The following PPARGC1A variants were observed in gnomAD, a reference collection of about 807,000 sequenced individuals.
PPARGC1A encodes PPARG coactivator 1 alpha, also known as peroxisome proliferator-activated receptor gamma coactivator 1-alpha.
In PPARGC1A, 25 loss-of-function variants were observed where a neutral mutation model predicts 88.7. The observed-to-expected ratio is 0.28, with a 90% CI of 0.21 to 0.39. The LOEUF (loss-of-function observed/expected upper bound fraction) is 0.39, where lower values mean the gene tolerates loss of function less well. PPARGC1A is among the 10% of genes least tolerant of loss of function. PPARGC1A has a pLI of 1.00. For synonymous variants in PPARGC1A, 363 were observed against 355.6 expected, an observed-to-expected ratio of 1.02 and a Z score of -0.24; for missense variants, 880 against 968.7, an observed-to-expected ratio of 0.91 and a Z score of 1.22.
chr4:23,947,392 TATATAA>T, the PPARGC1A span, among the ~76,000 whole-genome samples: 13 of 14,570 alleles, frequency 8.9e-4, no homozygotes, highest in Admixed American at 1.7e-3. Context: ...TATATATATA[TATATAA>T]AAAAAACGGT....
At chr4:23,880,688 T>C (rs1715749978) in intron 2 of PPARGC1A, 1 of 152,112 alleles carries the variant, frequency 6.6e-6, no homozygotes, top group Admixed American at 6.6e-5. Flanking sequence ...TGATTGCATA[T>C]AGCAGGATAA....
the PPARGC1A span, among the ~76,000 whole-genome samples, chr4:24,339,210 GTGTATATATA>G: frequency 0.32 from 35,580 of 109,732 alleles, 5,455 homozygotes; most frequent in Non-Finnish European, 0.4. Context: ...GTGTGTGTGT[GTGTATATATA>G]TATATATATA....
At chr4:24,397,048 A>G in the PPARGC1A span, among the ~76,000 whole-genome samples, 1 of 152,244 alleles carries the variant, frequency 6.6e-6, no homozygotes, top group African/African-American at 2.4e-5. Flanking sequence ...AAGAAAAACA[A>G]CTAAGCCAAA....
At chr4:24,253,345 G>C in the PPARGC1A span, among the ~76,000 whole-genome samples, 6 of 152,084 alleles carry the variant, frequency 3.9e-5, no homozygotes, top group African/African-American at 1.2e-4. Context: ...AGCACTAGAG[G>C]CAAGGGAATG....
At chr4:24,336,076 T>A in the PPARGC1A span, among the ~76,000 whole-genome samples, 2 of 151,580 alleles carry the variant, frequency 1.3e-5, no homozygotes, top group Admixed American at 1.3e-4. Flanking sequence ...CATGCCTCTT[T>A]TAATTTTTTC....
the PPARGC1A span, among the ~76,000 whole-genome samples, chr4:23,971,306 T>C: frequency 6.6e-6 from 1 of 152,212 alleles, no homozygotes. Context: ...TCAGTATAGT[T>C]GAGGCATAGT....
the PPARGC1A span, among the ~76,000 whole-genome samples, chr4:24,010,497 A>T: frequency 6.6e-6 from 1 of 152,170 alleles, no homozygotes; most frequent in East Asian, 1.9e-4. Context: ...TCTTCTGAGA[A>T]AAAGCACTGA....
chr4:23,954,995 A>G, the PPARGC1A span, among the ~76,000 whole-genome samples: 1 of 152,056 alleles, frequency 6.6e-6, no homozygotes, highest in Non-Finnish European at 1.5e-5. Flanking sequence ...GAGTGTAGCT[A>G]ATAAGAAAAG....
At chr4:24,410,400 T>C in the PPARGC1A span, among the ~76,000 whole-genome samples, 1 of 152,216 alleles carries the variant, frequency 6.6e-6, no homozygotes, top group Admixed American at 6.5e-5. Context: ...TGTTCATCTT[T>C]TCTATGGTAT....
the PPARGC1A span, among the ~76,000 whole-genome samples, chr4:24,424,258 C>CCTTT: frequency 2.3e-5 from 1 of 44,316 alleles, no homozygotes; most frequent in Non-Finnish European, 3.7e-5. Context: ...TATACACACA[C>CCTTT]TTTTTTTTTT....
the PPARGC1A span, among the ~76,000 whole-genome samples, chr4:23,952,875 A>C: frequency 1.3e-5 from 2 of 152,196 alleles, no homozygotes; most frequent in South Asian, 2.1e-4. Context: ...TAGTTCTTTC[A>C]TTAAAGTCTA....
rs1489730746 is a variant in PPARGC1A at position 23,845,760 on chromosome 4, T to C, written c.235-14009A>G. Among the ~76,000 whole-genome samples the C allele has an allele frequency of 3.9e-5, 6 of 152,198 alleles. No individual in the cohort carries two copies. In the East Asian group the frequency reaches 1.2e-3, roughly 29 times the overall value. ...ATAAATGCTTGCCGAACAAATACAA[T>C]ATGAGAAGTTCATCTTCTCAATGAC... is the stretch of plus-strand genomic sequence containing the variant. On this transcript the variant is annotated intron_variant, in intron 2 of 12. Coordinates refer to ENST00000264867, the MANE Select transcript of PPARGC1A (RefSeq NM_013261.5).
the PPARGC1A span, among the ~76,000 whole-genome samples, chr4:24,267,203 G>A: frequency 1.3e-5 from 2 of 152,170 alleles, no homozygotes; most frequent in Non-Finnish European, 2.9e-5. Flanking sequence ...AGCGACAGTG[G>A]AATGCTAATA....
rs545292711 is a variant in PPARGC1A, at chr4:23,846,927, G to T, written c.235-15176C>A. ...GCACAAATATTTTTTCTTAGAAAAG[G>T]TTTCATACTGGGATAAAGGTTTTCT... On this transcript the variant is annotated intron_variant, in intron 2 of 12. Coordinates refer to ENST00000264867, the MANE Select transcript of PPARGC1A (RefSeq NM_013261.5). Among the ~76,000 whole-genome samples, 10 of 152,128 alleles carry T rather than the reference G, an allele frequency of 6.6e-5. No individual in the cohort carries two copies. The South Asian group carries it at 1.7e-3, about 25-fold the overall frequency.
chr4:24,472,329 A>AG, the PPARGC1A span, among the ~76,000 whole-genome samples: 1 of 138,892 alleles, frequency 7.2e-6, no homozygotes, highest in Non-Finnish European at 1.6e-5. This position sits in a 1 kb window ranked among gnomAD's most constrained non-coding sequence, Gnocchi z 4.5. Flanking sequence ...AGCGCGCGGC[A>AG]GGGGGCAAGG....
the PPARGC1A span, among the ~76,000 whole-genome samples, chr4:24,174,041 T>C: frequency 1.3e-5 from 2 of 152,190 alleles, no homozygotes; most frequent in African/African-American, 4.8e-5. Flanking sequence ...AAAAATTCAG[T>C]CTGTCAAAGA....
chr4:24,261,873 A>G, the PPARGC1A span, among the ~76,000 whole-genome samples: 1 of 152,190 alleles, frequency 6.6e-6, no homozygotes, highest in Non-Finnish European at 1.5e-5. Flanking sequence ...GCTTCAGTTT[A>G]TTCTCTGAAT....
At chr4:24,447,967 C>T in the PPARGC1A span, among the ~76,000 whole-genome samples, 10,229 of 152,162 alleles carry the variant, frequency 0.067, 500 homozygotes, top group African/African-American at 0.14. Context: ...TTTAAAAACA[C>T]CAGAGGGTTC....
the PPARGC1A span, among the ~76,000 whole-genome samples, chr4:24,256,478 A>C: frequency 6.6e-6 from 1 of 152,206 alleles, no homozygotes; most frequent in Non-Finnish European, 1.5e-5. Flanking sequence ...CTAATGCTTG[A>C]AATCACCCTT....
Sources: allele counts gnomAD v4.1 joint callset (sites outside exome capture counted in the v4.1 genomes callset), GRCh38; gene constraint gnomAD v4.1.1; non-coding constraint Gnocchi (gnomAD v3.1); transcripts MANE v1.5; gene names NCBI Gene and HGNC (gene_info 2026-07-23, HGNC 2026-07-21).